ANKIB1: variants seen among roughly 807,000 people sequenced by gnomAD.
The protein encoded by ANKIB1 is ankyrin repeat and IBR domain containing 1, also known as ankyrin repeat and IBR domain-containing protein 1.
A neutral mutation model predicts 122.1 loss-of-function variants in ANKIB1; 43 were observed. That is an observed-to-expected ratio of 0.35 (90% confidence interval 0.28 to 0.45). The LOEUF is 0.45. Ranked by LOEUF, ANKIB1 falls within the 20% of genes least tolerant of loss-of-function variation. ANKIB1 has a pLI of 1.00. For missense variants in ANKIB1, 992 were observed against 1,329.5 expected, an observed-to-expected ratio of 0.75 and a Z score of 3.95; for synonymous variants, 390 against 442.0, an observed-to-expected ratio of 0.88 and a Z score of 1.48.
At chr7:92,345,213 G>C in intron 7 of ANKIB1, 147 bp downstream of exon 7, 2 of 571,792 alleles carry the variant, frequency 3.5e-6, no homozygotes, top group Non-Finnish European at 6.0e-6. Flanking sequence ...TTACTAGTAA[G>C]GAAAAATATT....
intron 3 of ANKIB1, among the ~76,000 whole-genome samples, chr7:92,309,679 C>T (rs1457605203): frequency 1.3e-5 from 2 of 151,766 alleles, no homozygotes; most frequent in African/African-American, 4.8e-5. Context: ...GTAATCCCAG[C>T]ACTTTGGGAG....
At chr7:92,329,369 A>G (rs566599695) in intron 5 of ANKIB1, among the ~76,000 whole-genome samples, 1 of 152,268 alleles carries the variant, frequency 6.6e-6, no homozygotes, top group South Asian at 2.1e-4. Flanking sequence ...TTGCCTGGGA[A>G]ACTAAATGGA....
chr7:92,343,238 G>A lies in ANKIB1; in HGVS notation c.996+6G>A. ...GGGATTTAGACACCAGTTTGGTATG[G>A]TTTGGTATTCACTGTACTTCTCATA... On this transcript the variant is annotated splice_donor_region_variant and intron_variant, in intron 6 of 19. Transcript: ENST00000265742. 1 of 1,611,416 alleles carries A rather than the reference G, an allele frequency of 6.2e-7. No individual in the cohort carries two copies. The highest frequency in any genetic ancestry group is 8.5e-7 in the Non-Finnish European group (1 of 1,178,064).
chr7:92,291,996 T>C (rs1802260481), intron 1 of ANKIB1, among the ~76,000 whole-genome samples: 1 of 152,244 alleles, frequency 6.6e-6, no homozygotes, highest in Non-Finnish European at 1.5e-5. Flanking sequence ...TAAGGAATTC[T>C]TTTCGCCTGT....
chr7:92,344,193 G>T (rs374648366), intron 6 of ANKIB1, among the ~76,000 whole-genome samples: 27 of 97,654 alleles, frequency 2.8e-4, no homozygotes, highest in East Asian at 1.5e-3. Flanking sequence ...TGTGTTTTTG[G>T]TTTTTTTTTT....
chr7:92,397,380 A>T (rs549071750), intron 18 of ANKIB1, among the ~76,000 whole-genome samples: 1 of 151,894 alleles, frequency 6.6e-6, no homozygotes, highest in African/African-American at 2.4e-5. Flanking sequence ...CAACCACTCG[A>T]GAGGCTGAGG....
In ANKIB1 at chr7:92,371,488, A is replaced by G; in HGVS notation, c.1498A>G (p.Ser500Gly). Residue 500 changes from serine to glycine, a missense_variant, in exon 11 of 20, where the codon AGT becomes GGT. By Grantham distance (56) the Ser-to-Gly change is moderately conservative. Coordinates refer to ENST00000265742, the MANE Select transcript of ANKIB1 (RefSeq NM_019004.2). ...TTAATATCCCAAAGTTGTGGGAGTT[A>G]GTGAAGCCTACGAGGATGCCGCCAA... is the stretch of plus-strand genomic sequence containing the variant. ...EMKPEELVGV[S>G]EAYEDAANCL... The G allele has an allele frequency of 6.2e-7, 1 of 1,605,980 alleles. No individual in the cohort carries two copies. The highest frequency in any genetic ancestry group is 1.7e-5 in the Admixed American group (1 of 58,890).
chr7:92,362,115 C>T lies in ANKIB1; in HGVS notation c.1398-70C>T. 4.2e-6 allele frequency: 6 copies of T among 1,439,490 alleles called. No homozygotes were observed. In the South Asian group the frequency reaches 7.3e-5, roughly 18 times the overall value. 89.2% of individuals were successfully genotyped at this position (1,439,490 alleles called of 1,614,324 possible). On this transcript the variant is annotated intron_variant, in intron 9 of 19. Transcript: ENST00000265742. ...CATGAGCCACCACGCCCGGCCTCTA[C>T]ACACTTTTTTTACCTTGATGTTGAT...
chr7:92,317,916 G>A (rs1471543776), intron 3 of ANKIB1, among the ~76,000 whole-genome samples: 1 of 152,136 alleles, frequency 6.6e-6, no homozygotes, highest in Non-Finnish European at 1.5e-5. Flanking sequence ...AAGAGTCTGG[G>A]CAGAACTTCA....
chr7:92,338,951 T>A lies in ANKIB1; in HGVS notation c.788-4073T>A, dbSNP rs1301854025. Reference sequence around the variant, plus strand: ...AAAAAAAAATATATATATATATATATATATATATATATATATATATTTATA... The same window carrying A: ...AAAAAAAAATATATATATATATATAAATATATATATATATATATATTTATA... On this transcript the variant is annotated intron_variant, in intron 5 of 19. Transcript: ENST00000265742. Among the ~76,000 whole-genome samples, 318 of 100,636 alleles carry A rather than the reference T, an allele frequency of 3.2e-3. 6 individuals are homozygous for A. Among genetic ancestry groups the A allele is most frequent in the Non-Finnish European group, 5.0e-3 (267 of 52,884 alleles). The allele number at this position is 100,636 out of a possible 152,430, so 66.0% of individuals were successfully genotyped here.
intron 1 of ANKIB1, among the ~76,000 whole-genome samples, chr7:92,269,359 G>A (rs1801736922): frequency 6.6e-6 from 1 of 152,150 alleles, no homozygotes; most frequent in South Asian, 2.1e-4. Context: ...GAAAAAACAA[G>A]TAGAACCCAA....
chr7:92,260,489 G>T (rs1422642700), intron 1 of ANKIB1, among the ~76,000 whole-genome samples: 2 of 152,064 alleles, frequency 1.3e-5, no homozygotes. Flanking sequence ...GACTAGCCTG[G>T]GCAACATGAT....
At chr7:92,311,312 C>T (rs943143942) in intron 3 of ANKIB1, among the ~76,000 whole-genome samples, 1 of 152,100 alleles carries the variant, frequency 6.6e-6, no homozygotes, top group Non-Finnish European at 1.5e-5. Flanking sequence ...TGGAACCTTG[C>T]ATGTGTCACT....
At chr7:92,273,456 A>T (rs1454658728) in intron 1 of ANKIB1, among the ~76,000 whole-genome samples, 1 of 152,218 alleles carries the variant, frequency 6.6e-6, no homozygotes, top group African/African-American at 2.4e-5. Context: ...TCATTTTATG[A>T]TCCAGAAACC....
chr7:92,325,065 T>C (rs527898724), intron 4 of ANKIB1, among the ~76,000 whole-genome samples: 1 of 152,216 alleles, frequency 6.6e-6, no homozygotes, highest in African/African-American at 2.4e-5. Context: ...TTCAATGTAT[T>C]TAAACACCAA....
rs1804939813 is a variant in ANKIB1 at position 92,398,129 on chromosome 7, A to G, written c.2533-83A>G. 11 of 1,379,960 alleles carry G rather than the reference A, an allele frequency of 8.0e-6. No individual in the cohort carries two copies. The South Asian group carries it at 1.1e-4, about 14-fold the overall frequency. 85.5% of individuals were successfully genotyped at this position (1,379,960 alleles called of 1,614,324 possible). ...TAAATAAAATTAATAATCTGTTGGT[A>G]AAGGAAGAATGGTAAACCTGATTGA... is the stretch of plus-strand genomic sequence containing the variant. On this transcript the variant is annotated intron_variant, in intron 19 of 19. Transcript: ENST00000265742.
Position 92,398,804 on chromosome 7 carries a change from T to C in ANKIB1, c.3125T>C (p.Leu1042Ser). ...GGAACCCAGATAGAAGAAAATCCTT[T>C]GGAAGAAAATATTCTGGCGGGGGAA... is the stretch of plus-strand genomic sequence containing the variant. ...GRGTQIEENP[L>S]EENILAGEAA... Residue 1042 changes from leucine to serine, a missense_variant, in exon 20 of 20, where the codon TTG becomes TCG. By Grantham distance (145) the Leu-to-Ser change is moderately radical. This residue lies in a region of ANKIB1 where 384 missense variants were observed against 412.0 expected (regional missense o/e 0.93). Coordinates refer to ENST00000265742, the MANE Select transcript of ANKIB1 (RefSeq NM_019004.2). 6.2e-7 allele frequency: 1 copy of C among 1,609,500 alleles called. No individual in the cohort carries two copies. The highest frequency in any genetic ancestry group is 8.5e-7 in the Non-Finnish European group (1 of 1,177,716).
At chr7:92,343,261 A>G (rs1214835820) in intron 6 of ANKIB1, 29 bp downstream of exon 6, 1 of 1,575,396 alleles carries the variant, frequency 6.3e-7, no homozygotes, top group Admixed American at 1.7e-5. Flanking sequence ...TGTACTTCTC[A>G]TAGCTTTGTT....
At chr7:92,328,425 T>C (rs1803073689) in intron 5 of ANKIB1, among the ~76,000 whole-genome samples, 1 of 152,174 alleles carries the variant, frequency 6.6e-6, no homozygotes, top group Non-Finnish European at 1.5e-5. Context: ...TTTTCTTGTT[T>C]CTTTGTTTTG....
Sources: allele counts gnomAD v4.1 joint callset (sites outside exome capture counted in the v4.1 genomes callset), GRCh38; gene constraint gnomAD v4.1.1; regional missense constraint gnomAD v4.1.1; transcripts MANE v1.5; gene names NCBI Gene and HGNC (gene_info 2026-07-23, HGNC 2026-07-21).